BCL7C: variants seen among roughly 807,000 people sequenced by gnomAD.
The protein encoded by BCL7C is B-cell CLL/lymphoma 7 protein family member C.
In BCL7C, 8 loss-of-function variants were observed where a neutral mutation model predicts 26.2. The observed-to-expected ratio is 0.30, with a 90% confidence interval of 0.18 to 0.55. BCL7C has a LOEUF of 0.55. Among genes scored for constraint, BCL7C ranks in the 20% least tolerant of loss-of-function variants. The pLI is 0.93. For synonymous variants in BCL7C, 90 were observed against 116.5 expected, an observed-to-expected ratio of 0.77 and a Z score of 1.47; for missense variants, 262 against 298.5, an observed-to-expected ratio of 0.88 and a Z score of 0.90.
intron 5 of BCL7C, among the ~76,000 whole-genome samples, chr16:30,867,715 C>A (rs2151375798): frequency 6.6e-6 from 1 of 152,250 alleles, no homozygotes; most frequent in Non-Finnish European, 1.5e-5. Flanking sequence ...ATCGCTTGAA[C>A]CCGGGAGGCG....
chr16:30,889,417 T>A (rs1276215514), intron 4 of BCL7C, among the ~76,000 whole-genome samples: 1 of 152,176 alleles, frequency 6.6e-6, no homozygotes, highest in South Asian at 2.1e-4. Flanking sequence ...TTAGCAAAGG[T>A]ATACAACTGC....
At chr16:30,884,582 C>G (rs1261605725), downstream of BCL7C, among the ~76,000 whole-genome samples, 1 of 151,000 alleles carries the variant, frequency 6.6e-6, no homozygotes, top group East Asian at 1.9e-4. Flanking sequence ...CTGCAACCTC[C>G]TCCTCCCGGG....
downstream of BCL7C, among the ~76,000 whole-genome samples, chr16:30,882,846 A>C (rs1444472631): frequency 2.6e-5 from 4 of 152,200 alleles, no homozygotes; most frequent in Non-Finnish European, 1.5e-5. Flanking sequence ...GGCTAACTGG[A>C]AAATTACTTA....
rs2055298579 is a variant in BCL7C at position 30,893,801 on chromosome 16, T to C, written c.92+52A>G. ...CTGGCGAGGGCAGCGTAGACGCCTTTGGTGCTGGTGGTCCCGCTGTGTCCC... is the reference window on the plus strand; with the variant it reads ...CTGGCGAGGGCAGCGTAGACGCCTTCGGTGCTGGTGGTCCCGCTGTGTCCC... On this transcript the variant is annotated intron_variant, in intron 1 of 5. Coordinates refer to ENST00000215115, the MANE Select transcript of BCL7C (RefSeq NM_004765.4). The surrounding 1 kb of genome is among the most constrained non-coding windows in gnomAD (Gnocchi z 5.2). 3.9e-6 allele frequency: 6 copies of C among 1,541,630 alleles called. No homozygotes were observed. In the South Asian group the frequency reaches 6.7e-5, roughly 17 times the overall value.
At chr16:30,850,976 A>G (rs2054670149) in intron 5 of BCL7C, among the ~76,000 whole-genome samples, 1 of 152,260 alleles carries the variant, frequency 6.6e-6, no homozygotes, top group Non-Finnish European at 1.5e-5. Context: ...TTAAATCACT[A>G]TAACCAGGCT....
Position 30,893,985 on chromosome 16 carries a change from C to G in BCL7C, c.-41G>C, listed in dbSNP as rs1713198717. 6 of 1,115,280 alleles carry G rather than the reference C, an allele frequency of 5.4e-6. No individual in the cohort carries two copies. Among genetic ancestry groups the G allele is most frequent in the East Asian group, 8.1e-5 (2 of 24,788 alleles). 69.1% of individuals were successfully genotyped at this position (1,115,280 alleles called of 1,614,324 possible). On this transcript the variant is annotated 5_prime_UTR_variant, in exon 1 of 6. Transcript: ENST00000215115. This position sits in a 1 kb window ranked among gnomAD's most constrained non-coding sequence, Gnocchi z 5.2. ...GCCGGGGCCGAGCCCGCGGCGGGGC[C>G]GCCTCCCGTCCGGCGGGCTCAGGCT...
At chr16:30,853,150 C>T (rs955161482) in intron 5 of BCL7C, among the ~76,000 whole-genome samples, 3 of 152,010 alleles carry the variant, frequency 2.0e-5, no homozygotes, top group African/African-American at 4.8e-5. Context: ...GTTGGTCAGG[C>T]TGGTCTCGAA....
intron 5 of BCL7C, among the ~76,000 whole-genome samples, chr16:30,881,527 G>T (rs1184213388): frequency 1.3e-5 from 2 of 152,178 alleles, no homozygotes; most frequent in East Asian, 3.8e-4. Context: ...TGGCCTCTGA[G>T]CAGGGCGACC....
chr16:30,893,235 G>C lies in BCL7C; in HGVS notation c.148C>G (p.Pro50Ala). Residue 50 changes from proline to alanine, a missense_variant, in exon 2 of 6, where the codon CCA becomes GCA. Physicochemically the swap from Pro to Ala is conservative, Grantham distance 27. Transcript: ENST00000215115. The surrounding 1 kb of genome is among the most constrained non-coding windows in gnomAD (Gnocchi z 5.2). ...ACCTCCTCCTGGGGATCCACCACTGGCACCCACTTGAAGATACGAAGGGAA... is the reference window on the plus strand; with the variant it reads ...ACCTCCTCCTGGGGATCCACCACTGCCACCCACTTGAAGATACGAAGGGAA... ...DTSLRIFKWV[P>A]VVDPQEEERR... The C allele has an allele frequency of 6.2e-7, 1 of 1,613,698 alleles. No individual in the cohort carries two copies. The highest frequency in any genetic ancestry group is 8.5e-7 in the Non-Finnish European group (1 of 1,179,754).
At chr16:30,861,669 A>G (rs2054774022) in intron 5 of BCL7C, among the ~76,000 whole-genome samples, 1 of 152,068 alleles carries the variant, frequency 6.6e-6, no homozygotes. Context: ...CTCCTGGACC[A>G]TCACAGACGC....
chr16:30,883,039 G>A (rs2055067028), downstream of BCL7C, among the ~76,000 whole-genome samples: 1 of 152,128 alleles, frequency 6.6e-6, no homozygotes, highest in Admixed American at 6.6e-5. Flanking sequence ...AGGTGGGGGT[G>A]GAACTTAGAG....
At chr16:30,864,931 G>A (rs975943327) in intron 5 of BCL7C, among the ~76,000 whole-genome samples, 1 of 144,782 alleles carries the variant, frequency 6.9e-6, no homozygotes, top group Non-Finnish European at 1.5e-5. Flanking sequence ...CACTTTGGGA[G>A]GCCGAGGTTG....
Position 30,834,873 on chromosome 16 carries a change from G to C in BCL7C, c.*75C>G, listed in dbSNP as rs376304958. 2.5e-5 allele frequency: 35 copies of C among 1,381,456 alleles called. No homozygotes were observed. The East Asian group carries it at 2.9e-4, about 11-fold the overall frequency. 85.6% of individuals were successfully genotyped at this position (1,381,456 alleles called of 1,614,324 possible). A position where few individuals can be genotyped will look rare whatever the true frequency, so the allele number is the denominator to read the frequency against. ...GAGCTGGGAAGCTCTTTCCGCCCTC[G>C]GGGCACAGGTAGTGGCTGGATCTTG... On this transcript the variant is annotated 3_prime_UTR_variant, in exon 6 of 6. Transcript: ENST00000380317. This position sits in a 1 kb window ranked among gnomAD's most constrained non-coding sequence, Gnocchi z 4.3.
intron 5 of BCL7C, among the ~76,000 whole-genome samples, chr16:30,874,125 A>G (rs1160096151): frequency 6.6e-6 from 1 of 150,772 alleles, no homozygotes; most frequent in Non-Finnish European, 1.5e-5. Flanking sequence ...CCTCCCGAGT[A>G]GCTGGGATTA....
chr16:30,883,281 G>C (rs2055070404), downstream of BCL7C, among the ~76,000 whole-genome samples: 1 of 152,144 alleles, frequency 6.6e-6, no homozygotes, highest in Admixed American at 6.5e-5. Context: ...GGAGGAGGTG[G>C]AAAGGGGAGA....
chr16:30,870,548 G>A (rs369051033), intron 5 of BCL7C, among the ~76,000 whole-genome samples: 3 of 151,938 alleles, frequency 2.0e-5, no homozygotes, highest in East Asian at 3.9e-4. Context: ...GGTGGCTCAC[G>A]CCTGTAATCC....
At chr16:30,854,696 C>T (rs1356693015) in intron 5 of BCL7C, among the ~76,000 whole-genome samples, 2 of 142,474 alleles carry the variant, frequency 1.4e-5, no homozygotes, top group African/African-American at 2.6e-5. Context: ...CACAGACTCA[C>T]CACTCACTTT....
At chr16:30,840,221 T>G (rs1332506385) in intron 5 of BCL7C, among the ~76,000 whole-genome samples, 3 of 148,546 alleles carry the variant, frequency 2.0e-5, no homozygotes, top group Admixed American at 6.7e-5. Context: ...GTTGTTTTTT[T>G]TTTTTTTTTT....
chr16:30,853,644 C>T (rs917476520), intron 5 of BCL7C, among the ~76,000 whole-genome samples: 3 of 152,190 alleles, frequency 2.0e-5, no homozygotes, highest in African/African-American at 7.2e-5. Flanking sequence ...GTGTTTTCAA[C>T]GTTTTAAGGA....
Sources: allele counts gnomAD v4.1 joint callset (sites outside exome capture counted in the v4.1 genomes callset), GRCh38; gene constraint gnomAD v4.1.1; non-coding constraint Gnocchi (gnomAD v3.1); transcripts MANE v1.5; gene names NCBI Gene and HGNC (gene_info 2026-07-23, HGNC 2026-07-21).